The following ZBTB7B variants were observed in gnomAD, a reference collection of about 807,000 sequenced individuals.
ZBTB7B encodes the protein zinc finger and BTB domain-containing protein 7B.
Under a neutral mutation model 31.0 loss-of-function variants are expected in ZBTB7B, and 8 were observed. That is an observed-to-expected ratio of 0.26 (90% CI 0.15 to 0.47). ZBTB7B has a LOEUF of 0.47. Ranked by LOEUF, ZBTB7B falls within the 20% of genes least tolerant of loss-of-function variation. The pLI, the probability that ZBTB7B is intolerant of heterozygous loss-of-function variation, is 0.99. For missense variants in ZBTB7B, 494 were observed against 742.4 expected, an observed-to-expected ratio of 0.67 and a Z score of 3.89; for synonymous variants, 261 against 307.3, an observed-to-expected ratio of 0.85 and a Z score of 1.58.
chr1:155,014,777 G>C lies in ZBTB7B; in HGVS notation c.117G>C (p.Arg39=). Residue 39 remains arginine (R), a synonymous_variant, in exon 2 of 3, where the codon CGG becomes CGC. Transcript: ENST00000535420. ...GCCACCTATGTGACCTCACCATCCG[G>C]ACGCAGGGCCTTGAATACCGCACCC... ...QLGHLCDLTI[R]TQGLEYRTHR... The C allele has an allele frequency of 6.2e-7, 1 of 1,614,248 alleles. No homozygotes were observed. The highest frequency in any genetic ancestry group is 2.2e-5 in the East Asian group (1 of 44,892).
chr1:155,014,088 T>TC, intron 1 of ZBTB7B: 1 of 986,826 alleles, frequency 1.0e-6, no homozygotes, highest in Non-Finnish European at 1.2e-6. Flanking sequence ...CAGATCTTGG[T>TC]CCAGTGTGAG....
chr1:155,008,151 A>T (rs1658678642), intron 1 of ZBTB7B, among the ~76,000 whole-genome samples: 1 of 151,788 alleles, frequency 6.6e-6, no homozygotes. Context: ...TTCGGTGCCC[A>T]CAGCTCCCCC....
rs1206872180 is a variant in ZBTB7B, at chr1:155,003,273, C to T, written c.-7+330C>T. Among the ~76,000 whole-genome samples the T allele has an allele frequency of 2.6e-5, 4 of 152,188 alleles. No individual in the cohort carries two copies. The highest frequency in any genetic ancestry group is 5.9e-5 in the Non-Finnish European group (4 of 68,030). ...GCGACGCTGAGCGTTCCCCCAGTCT[C>T]CTTCGTGACTTTAGGGGGAGACCCC... On this transcript the variant is annotated intron_variant, in intron 1 of 2. Transcript: ENST00000535420. The surrounding 1 kb of genome is among the most constrained non-coding windows in gnomAD (Gnocchi z 5.8).
At chr1:155,013,992 T>C in intron 1 of ZBTB7B, 1 of 984,096 alleles carries the variant, frequency 1.0e-6, no homozygotes, top group South Asian at 4.7e-5. Context: ...AGCTGCCTTC[T>C]CTTGTTTGCA....
Position 155,016,164 on chromosome 1 carries a change from G to A in ZBTB7B, c.1155-56G>A. The A allele has an allele frequency of 6.4e-7, 1 of 1,552,326 alleles. No individual in the cohort carries two copies. Among genetic ancestry groups the A allele is most frequent in the Non-Finnish European group, 8.8e-7 (1 of 1,136,386 alleles). ...CAAGGCCAGGGTGGGATGACCAGGA[G>A]GAGCCAGGGATCCCATCCTGAACAC... On this transcript the variant is annotated intron_variant, in intron 2 of 2. Coordinates refer to ENST00000535420, the MANE Select transcript of ZBTB7B (RefSeq NM_001256455.2). This position sits in a 1 kb window ranked among gnomAD's most constrained non-coding sequence, Gnocchi z 4.3.
intron 1 of ZBTB7B, among the ~76,000 whole-genome samples, chr1:155,007,147 C>T (rs923021468): frequency 3.3e-5 from 5 of 152,194 alleles, no homozygotes; most frequent in African/African-American, 1.2e-4. Flanking sequence ...TTCTTGCTAT[C>T]GCATTGCCAT....
intron 1 of ZBTB7B, among the ~76,000 whole-genome samples, chr1:155,012,292 G>A (rs1292710185): frequency 1.3e-5 from 2 of 152,038 alleles, no homozygotes; most frequent in Non-Finnish European, 2.9e-5. Context: ...GGAGAGGGAT[G>A]GGGTGAGCCA....
At position 155,015,191 on chromosome 1, in the gene ZBTB7B, T is replaced by C. The variant is rs1659268818; in HGVS notation, c.531T>C (p.Gly177=). 3 of 1,613,554 alleles carry C rather than the reference T, an allele frequency of 1.9e-6. No individual in the cohort carries two copies. Among genetic ancestry groups the C allele is most frequent in the Non-Finnish European group, 2.5e-6 (3 of 1,180,002 alleles). The change falls in exon 2 of 3, where the codon GGT becomes GGC. Residue 177 remains glycine (G), a synonymous_variant. Transcript: ENST00000535420. ...CCACGGCCTCTGGAGTTCCCAATGG[T>C]GAAGACAGTCCTCCACAGGTGCCCC... The part of the protein sequence containing the change: ...ATATASGVPN[G]EDSPPQVPLP...
chr1:155,012,636 C>T (rs1312482825), intron 1 of ZBTB7B, among the ~76,000 whole-genome samples: 1 of 151,762 alleles, frequency 6.6e-6, no homozygotes, highest in East Asian at 1.9e-4. Context: ...CTAAGGGTGC[C>T]TAGAGGTGGC....
Position 155,017,445 on chromosome 1 carries a change from G to A in ZBTB7B, c.*760G>A, listed in dbSNP as rs1211903054. On this transcript the variant is annotated 3_prime_UTR_variant, in exon 3 of 3. Coordinates refer to ENST00000535420, the MANE Select transcript of ZBTB7B (RefSeq NM_001256455.2). ...CACGGCCCTGGGCAGGGAATGTCTTGTTCCCGCCGCTCCCTCCCCGGGGCC... is the reference window on the plus strand; with the variant it reads ...CACGGCCCTGGGCAGGGAATGTCTTATTCCCGCCGCTCCCTCCCCGGGGCC... 6.7e-6 allele frequency: 1 copy of A among 150,186 alleles called. No individual in the cohort carries two copies. Among genetic ancestry groups the A allele is most frequent in the Non-Finnish European group, 1.5e-5 (1 of 67,112 alleles). The allele number at this position is 150,186 out of a possible 1,614,324, so 9.3% of individuals were successfully genotyped here.
chr1:155,009,321 C>T (rs551352947), intron 1 of ZBTB7B, among the ~76,000 whole-genome samples: 34 of 151,080 alleles, frequency 2.3e-4, no homozygotes, highest in African/African-American at 8.0e-4. Flanking sequence ...TTTCTGCTGG[C>T]GGCTTGGCGG....
Position 155,016,638 on chromosome 1 carries a change from G to A in ZBTB7B, c.1573G>A (p.Gly525Arg). The A allele has an allele frequency of 6.2e-7, 1 of 1,603,118 alleles. No individual in the cohort carries two copies. Among genetic ancestry groups the A allele is most frequent in the Non-Finnish European group, 8.5e-7 (1 of 1,173,830 alleles). ...GCCCCCTGATGACGATGAGGAGGAA[G>A]GGGCACCCACCACACCCCAGGCTGA... ...PGPPDDDEEE[G>R]APTTPQAEGA... is the part of the protein sequence containing the mutation. The change falls in exon 3 of 3, where the codon GGG (glycine) becomes AGG (arginine). Residue 525 changes from glycine (G) to arginine (R), a missense_variant. Around this residue, in one of 5 missense-constraint regions of ZBTB7B, gnomAD observed 101 missense variants for 119.5 expected, o/e 0.85. Coordinates refer to ENST00000535420, the MANE Select transcript of ZBTB7B (RefSeq NM_001256455.2). The surrounding 1 kb of genome is among the most constrained non-coding windows in gnomAD (Gnocchi z 4.3).
chr1:155,015,567 C>T lies in ZBTB7B; in HGVS notation c.907C>T (p.Leu303=). 6.2e-7 allele frequency: 1 copy of T among 1,613,816 alleles called. No individual in the cohort carries two copies. Among genetic ancestry groups the T allele is most frequent in the Non-Finnish European group, 8.5e-7 (1 of 1,179,944 alleles). The change falls in exon 2 of 3, where the codon CTG becomes TTG. Residue 303 remains leucine, a synonymous_variant. Coordinates refer to ENST00000535420, the MANE Select transcript of ZBTB7B (RefSeq NM_001256455.2). Reference sequence around the variant, plus strand: ...CGGGCCCCCGCTGTCCCCAGAGGAGCTGGGCTCAGATGAGGATGCCATCGA... The same window carrying T: ...CGGGCCCCCGCTGTCCCCAGAGGAGTTGGGCTCAGATGAGGATGCCATCGA... ...GGGPPLSPEE[L]GSDEDAIDPD... is the part of the protein sequence containing the mutation.
In ZBTB7B at chr1:155,015,804, C is replaced by A. The variant is rs1452526572; in HGVS notation, c.1144C>A (p.Arg382=). 6.2e-7 allele frequency: 1 copy of A among 1,609,888 alleles called. No homozygotes were observed. Among genetic ancestry groups the A allele is most frequent in the Admixed American group, 1.7e-5 (1 of 59,950 alleles). The change falls in exon 2 of 3, where the codon CGA becomes AGA. Residue 382 remains arginine (R), a synonymous_variant. Coordinates refer to ENST00000535420, the MANE Select transcript of ZBTB7B (RefSeq NM_001256455.2). ...CTTTGCCTGCGAGGTCTGCGGTGTT[C>A]GATTCACCAGGTGAGCAGCAAGGGG... ...KPFACEVCGV[R]FTRNDKLKIH...
rs781572029 is a variant in ZBTB7B at position 155,016,714 on chromosome 1, A to G, written c.*29A>G. The G allele has an allele frequency of 9.1e-6, 12 of 1,322,796 alleles. No homozygotes were observed. Among genetic ancestry groups the G allele is most frequent in the Admixed American group, 2.6e-5 (1 of 38,148 alleles). The allele number at this position is 1,322,796 out of a possible 1,614,324, so 81.9% of individuals were successfully genotyped here. On this transcript the variant is annotated 3_prime_UTR_variant, in exon 3 of 3. Coordinates refer to ENST00000535420, the MANE Select transcript of ZBTB7B (RefSeq NM_001256455.2). The surrounding 1 kb of genome is among the most constrained non-coding windows in gnomAD (Gnocchi z 4.3). ...GGGACGAGGGCCAGACTGAAGCAGC[A>G]CAAGGCCGGGGACACCCATGCCAAG...
chr1:155,008,753 G>GCCAGCCCT (rs1658728646), intron 1 of ZBTB7B, among the ~76,000 whole-genome samples: 1 of 152,128 alleles, frequency 6.6e-6, no homozygotes, highest in Admixed American at 6.5e-5. Flanking sequence ...CTCCCACGCC[G>GCCAGCCCT]CCAGCCCTCC....
At chr1:155,001,840 C>T (rs1247855856), upstream of ZBTB7B, among the ~76,000 whole-genome samples, 1 of 149,866 alleles carries the variant, frequency 6.7e-6, no homozygotes, top group Non-Finnish European at 1.5e-5. The surrounding 1 kb of genome is among the most constrained non-coding windows in gnomAD (Gnocchi z 4.8). Context: ...GCTCAACTCC[C>T]CGGCTCCCTC....
chr1:155,014,633 TCC>T lies in ZBTB7B; in HGVS notation c.-6-19_-6-18del, dbSNP rs1244743134. ...CCCTGTGGGCTGAGCGCTCTTAATC[TCC>T]CCTCTACTTGACTCTGCAGGAGAAG... On this transcript the variant is annotated intron_variant, in intron 1 of 2. Transcript: ENST00000535420. 6.3e-7 allele frequency: 1 copy of T among 1,592,274 alleles called. No homozygotes were observed. The highest frequency in any genetic ancestry group is 8.6e-7 in the Non-Finnish European group (1 of 1,167,152).
chr1:155,016,699 C>G lies in ZBTB7B; in HGVS notation c.*14C>G. ...GAGTCCTCTTAAAGAGGGACGAGGG[C>G]CAGACTGAAGCAGCACAAGGCCGGG... On this transcript the variant is annotated 3_prime_UTR_variant, in exon 3 of 3. Transcript: ENST00000535420. This position sits in a 1 kb window ranked among gnomAD's most constrained non-coding sequence, Gnocchi z 4.3. 7.0e-7 allele frequency: 1 copy of G among 1,424,100 alleles called. No individual in the cohort carries two copies. 88.2% of individuals were successfully genotyped at this position (1,424,100 alleles called of 1,614,324 possible).
Sources: allele counts gnomAD v4.1 joint callset (sites outside exome capture counted in the v4.1 genomes callset), GRCh38; gene constraint gnomAD v4.1.1; regional missense constraint gnomAD v4.1.1; non-coding constraint Gnocchi (gnomAD v3.1); transcripts MANE v1.5; gene names NCBI Gene and HGNC (gene_info 2026-07-23, HGNC 2026-07-21).